Variants in CTNNA3 observed in about 807,000 individuals in gnomAD.
CTNNA3 encodes catenin alpha-3.
CTNNA3 carries 76 observed loss-of-function variants against 95.7 expected under a neutral mutation model. The ratio of observed to expected loss-of-function variants is 0.79; its 90% CI spans 0.66 to 0.96. The LOEUF (loss-of-function observed/expected upper bound fraction) is 0.96. Among genes scored for constraint, CTNNA3 ranks in the 40% least tolerant of loss-of-function variants. CTNNA3 has a pLI of 0.00. For synonymous variants in CTNNA3, 431 were observed against 374.4 expected (o/e 1.15, Z -1.74); for missense variants, 1,191 against 1,089.8 (o/e 1.09, Z -1.31).
intron 7 of CTNNA3, among the ~76,000 whole-genome samples, chr10:66,862,864 T>C (rs1319191518): frequency 6.6e-6 from 1 of 152,218 alleles, no homozygotes; most frequent in East Asian, 1.9e-4. Flanking sequence ...CTAAGGTGGG[T>C]GGGCCATATC....
intron 5 of CTNNA3, among the ~76,000 whole-genome samples, chr10:67,347,132 T>G (rs1025596136): frequency 6.6e-6 from 1 of 151,970 alleles, no homozygotes; most frequent in South Asian, 2.1e-4. Flanking sequence ...TCACTGCAAC[T>G]TCTGCTTCCC....
intron 9 of CTNNA3, among the ~76,000 whole-genome samples, chr10:66,711,258 C>CAAAAAAAAAAAA (rs56013857): frequency 4.1e-4 from 48 of 118,088 alleles, no homozygotes; most frequent in Non-Finnish European, 6.5e-4. Flanking sequence ...GAACAAGAAA[C>CAAAAAAAAAAAA]AAAAAAAAAA....
At chr10:66,565,293 A>C (rs905902155) in intron 10 of CTNNA3, among the ~76,000 whole-genome samples, 7 of 152,080 alleles carry the variant, frequency 4.6e-5, no homozygotes, top group African/African-American at 1.7e-4. Context: ...CGTTCTGGGA[A>C]TACAAAGGAT....
At chr10:67,615,268 C>T (rs982142866) in intron 2 of CTNNA3, among the ~76,000 whole-genome samples, 17 of 152,344 alleles carry the variant, frequency 1.1e-4, no homozygotes, top group Non-Finnish European at 2.1e-4. Flanking sequence ...TAACAAAGCA[C>T]ATGTAGATCC....
At chr10:67,434,830 T>C (rs1846243524) in intron 5 of CTNNA3, among the ~76,000 whole-genome samples, 1 of 152,004 alleles carries the variant, frequency 6.6e-6, no homozygotes, top group South Asian at 2.1e-4. Context: ...AGTGAGTACA[T>C]AGGAGAGCCT....
At chr10:67,089,715 A>ATGTGTGTG (rs775306401) in intron 7 of CTNNA3, among the ~76,000 whole-genome samples, 5 of 93,262 alleles carry the variant, frequency 5.4e-5, no homozygotes, top group Admixed American at 1.0e-4. Context: ...GTGTATATAC[A>ATGTGTGTG]TATGTGTGTG....
intron 7 of CTNNA3, among the ~76,000 whole-genome samples, chr10:66,851,790 G>A (rs926565360): frequency 1.3e-5 from 2 of 152,120 alleles, no homozygotes; most frequent in African/African-American, 4.8e-5. Context: ...GCAGAACTAT[G>A]AGCCAGTTAA....
chr10:67,599,963 T>G (rs1352727480), intron 3 of CTNNA3, among the ~76,000 whole-genome samples: 1 of 152,134 alleles, frequency 6.6e-6, no homozygotes, highest in Non-Finnish European at 1.5e-5. Context: ...GTACAGTAAT[T>G]AGGACTATTG....
chr10:66,681,392 C>T (rs925802509), intron 9 of CTNNA3, among the ~76,000 whole-genome samples: 1 of 152,078 alleles, frequency 6.6e-6, no homozygotes, highest in East Asian at 1.9e-4. Flanking sequence ...AAACTGGAAA[C>T]AGCTCATTAG....
chr10:66,738,949 T>C (rs1037327221), intron 9 of CTNNA3, among the ~76,000 whole-genome samples: 1 of 152,226 alleles, frequency 6.6e-6, no homozygotes, highest in Admixed American at 6.5e-5. Flanking sequence ...CTAAACATGC[T>C]GTATGGAAGT....
chr10:67,061,124 T>C (rs1925591), intron 7 of CTNNA3, among the ~76,000 whole-genome samples: 18,091 of 152,132 alleles, frequency 0.12, 1,273 homozygotes, highest in African/African-American at 0.2. Flanking sequence ...GTTTGGGGAA[T>C]AGCAGAATAG....
intron 12 of CTNNA3, among the ~76,000 whole-genome samples, chr10:66,327,772 T>G (rs577415713): frequency 6.6e-6 from 1 of 152,218 alleles, no homozygotes; most frequent in South Asian, 2.1e-4. Flanking sequence ...TTAAATAAAT[T>G]TTCTTAAAAC....
chr10:66,879,429 C>G (rs982709038), intron 7 of CTNNA3, among the ~76,000 whole-genome samples: 16 of 152,056 alleles, frequency 1.1e-4, no homozygotes, highest in Admixed American at 3.9e-4. Flanking sequence ...TTATAAGGAA[C>G]CAAAGTCTAT....
chr10:67,452,154 A>C (rs972990433), intron 5 of CTNNA3, among the ~76,000 whole-genome samples: 5 of 152,120 alleles, frequency 3.3e-5, no homozygotes, highest in African/African-American at 1.2e-4. Flanking sequence ...TAAAGCATCC[A>C]AAGCAAATAC....
Position 66,346,230 on chromosome 10 carries a change from TATATATATATATATATAGAGAGAG to T in CTNNA3, c.1732+32898_1732+32921del, listed in dbSNP as rs1165274857. On this transcript the variant is annotated intron_variant, in intron 12 of 17. Coordinates refer to ENST00000433211, the MANE Select transcript of CTNNA3 (RefSeq NM_013266.4). ...GTGTGTGTATATATATATATATATA[TATATATATATATATATAGAGAGAG>T]AGAGAGAGAGAGAGAGAGAGAGAGA... Among the ~76,000 whole-genome samples the T allele has an allele frequency of 5.3e-3, 343 of 65,180 alleles. 1 individual carries two copies. Among genetic ancestry groups the T allele is most frequent in the Middle Eastern group, 0.019 (2 of 108 alleles). 42.8% of individuals were successfully genotyped at this position (65,180 alleles called of 152,430 possible).
At chr10:67,101,178 G>A (rs1858315870) in intron 7 of CTNNA3, among the ~76,000 whole-genome samples, 1 of 151,568 alleles carries the variant, frequency 6.6e-6, no homozygotes, top group South Asian at 2.1e-4. Context: ...ATGCATGTAG[G>A]CCCCGAGGTA....
chr10:66,461,040 T>C (rs2093525823), intron 11 of CTNNA3, among the ~76,000 whole-genome samples: 1 of 152,130 alleles, frequency 6.6e-6, no homozygotes. Context: ...TACTTATGGT[T>C]GAAGTAATGA....
intron 15 of CTNNA3, among the ~76,000 whole-genome samples, chr10:66,021,929 T>C (rs1162600382): frequency 6.8e-6 from 1 of 147,724 alleles, no homozygotes; most frequent in Non-Finnish European, 1.5e-5. Flanking sequence ...CCGCAGCTCA[T>C]TGTAGCCTTG....
chr10:66,693,316 C>G (rs1188446831), intron 9 of CTNNA3, among the ~76,000 whole-genome samples: 1 of 146,374 alleles, frequency 6.8e-6, no homozygotes, highest in Admixed American at 6.7e-5. Flanking sequence ...CAATCCTAGT[C>G]TCTGATAAAA....
Sources: gnomAD v4.1 joint callset for allele counts (sites outside exome capture counted in the v4.1 genomes callset) on GRCh38, gnomAD v4.1.1 for gene constraint, MANE v1.5 for transcripts, NCBI Gene and HGNC (gene_info 2026-07-23, HGNC 2026-07-21) for gene names.